The following ROBO2 variants were observed in gnomAD, a reference collection of about 807,000 sequenced individuals.
ROBO2 encodes roundabout guidance receptor 2, also known as roundabout homolog 2.
ROBO2 carries 53 observed loss-of-function variants against 160.8 expected under a neutral mutation model. That is an observed-to-expected ratio of 0.33 (90% CI 0.26 to 0.41). ROBO2 has a LOEUF of 0.41. Ranked by LOEUF, ROBO2 falls within the 10% of genes least tolerant of loss-of-function variation. The probability of loss-of-function intolerance (pLI) is 1.00; values close to 1 mark genes in which losing one functional copy is unlikely to be tolerated. For missense variants in ROBO2, 1,577 were observed against 1,722.4 expected, an observed-to-expected ratio of 0.92 and a Z score of 1.49; for synonymous variants, 664 against 611.7, an observed-to-expected ratio of 1.09 and a Z score of -1.26.
At chr3:77,388,266 G>A (rs185296239) in intron 2 of ROBO2, among the ~76,000 whole-genome samples, 6 of 151,926 alleles carry the variant, frequency 3.9e-5, no homozygotes, top group Admixed American at 2.6e-4. Context: ...AAGATTTTTG[G>A]CACCAGGCAT....
chr3:76,533,851 A>C (rs1429868615), intron 2 of ROBO2, among the ~76,000 whole-genome samples: 1 of 152,078 alleles, frequency 6.6e-6, no homozygotes, highest in African/African-American at 2.4e-5. Context: ...CTGATCAGTT[A>C]GGGTAGGGCA....
intron 2 of ROBO2, among the ~76,000 whole-genome samples, chr3:76,061,462 T>G (rs566560148): frequency 6.6e-6 from 1 of 152,332 alleles, no homozygotes; most frequent in South Asian, 2.1e-4. Context: ...TAACTAAAGG[T>G]GGACACAGAT....
At chr3:76,168,612 G>A (rs574607877) in intron 2 of ROBO2, among the ~76,000 whole-genome samples, 58 of 152,114 alleles carry the variant, frequency 3.8e-4, no homozygotes, top group African/African-American at 1.3e-3. Flanking sequence ...CTCATAAAAT[G>A]GACCTGTATT....
chr3:77,337,320 C>A (rs1457411380), intron 2 of ROBO2, among the ~76,000 whole-genome samples: 2 of 152,056 alleles, frequency 1.3e-5, no homozygotes, highest in Non-Finnish European at 2.9e-5. Flanking sequence ...AAAACCTTTG[C>A]CCTAAGAAAA....
At chr3:77,304,057 C>T (rs1448860426) in intron 2 of ROBO2, among the ~76,000 whole-genome samples, 1 of 152,068 alleles carries the variant, frequency 6.6e-6, no homozygotes, top group Non-Finnish European at 1.5e-5. Context: ...AAAGTTTCAA[C>T]CTATAAATAT....
At chr3:77,531,360 T>A (rs1382273148) in intron 6 of ROBO2, among the ~76,000 whole-genome samples, 1 of 151,504 alleles carries the variant, frequency 6.6e-6, no homozygotes, top group African/African-American at 2.4e-5. Flanking sequence ...AATTATTTTT[T>A]AAAATAAGCA....
At chr3:76,366,907 A>C (rs1286673368) in intron 2 of ROBO2, among the ~76,000 whole-genome samples, 2 of 152,068 alleles carry the variant, frequency 1.3e-5, no homozygotes, top group African/African-American at 4.8e-5. Context: ...CCAAGCAATA[A>C]AAATTATAAC....
intron 2 of ROBO2, among the ~76,000 whole-genome samples, chr3:76,000,742 G>A (rs532812010): frequency 2.8e-4 from 43 of 151,650 alleles, no homozygotes; most frequent in Middle Eastern, 3.4e-3. Context: ...CACCTGCCTC[G>A]GCCTCCCAAA....
intron 2 of ROBO2, among the ~76,000 whole-genome samples, chr3:76,188,832 A>G (rs1701879062): frequency 6.6e-6 from 1 of 152,120 alleles, no homozygotes; most frequent in South Asian, 2.1e-4. Context: ...CCTAGTATAC[A>G]GGCAATCATC....
chr3:76,968,052 T>A (rs941658934), intron 2 of ROBO2, among the ~76,000 whole-genome samples: 2 of 152,138 alleles, frequency 1.3e-5, no homozygotes, highest in Non-Finnish European at 2.9e-5. Flanking sequence ...ATATATATAT[T>A]TTTTGATATT....
chr3:77,328,062 C>CA (rs57829219), intron 2 of ROBO2, among the ~76,000 whole-genome samples: 25,983 of 112,390 alleles, frequency 0.23, 2,982 homozygotes, highest in East Asian at 0.5. Flanking sequence ...GACCGTATCT[C>CA]AAAAAAAAAA....
intron 6 of ROBO2, 114 bp from the exon 8 acceptor site, chr3:77,546,224 A>C: frequency 1.8e-6 from 2 of 1,126,508 alleles, no homozygotes; most frequent in Non-Finnish European, 2.6e-6. Context: ...TAAATAAAAA[A>C]CTGTAGTCTC....
chr3:76,491,952 CA>C (rs2079848330), intron 2 of ROBO2, among the ~76,000 whole-genome samples: 1 of 151,892 alleles, frequency 6.6e-6, no homozygotes, highest in Admixed American at 6.6e-5. Context: ...AACAAACAAA[CA>C]AAAAAATTAG....
At chr3:76,867,524 C>G (rs1311313986) in intron 2 of ROBO2, among the ~76,000 whole-genome samples, 1 of 152,116 alleles carries the variant, frequency 6.6e-6, no homozygotes, top group East Asian at 1.9e-4. Context: ...ATTGCTAAAG[C>G]TCAATTTGGG....
intron 2 of ROBO2, among the ~76,000 whole-genome samples, chr3:76,560,865 G>A (rs991749376): frequency 2.0e-5 from 3 of 148,518 alleles, no homozygotes; most frequent in African/African-American, 7.4e-5. Context: ...TTGACATTAT[G>A]GGGGTATCAT....
chr3:77,255,983 A>G (rs114620849), intron 2 of ROBO2, among the ~76,000 whole-genome samples: 3 of 152,108 alleles, frequency 2.0e-5, no homozygotes, highest in African/African-American at 7.2e-5. Flanking sequence ...TGTGCTTTCA[A>G]CTCTGAGCAT....
chr3:77,598,333 A>T (rs908055561), intron 19 of ROBO2, among the ~76,000 whole-genome samples: 1 of 151,628 alleles, frequency 6.6e-6, no homozygotes, highest in African/African-American at 2.4e-5. Context: ...GCATTCTGTC[A>T]GTACCAACTA....
chr3:76,398,951 C>G (rs138431576), intron 2 of ROBO2, among the ~76,000 whole-genome samples: 1 of 151,682 alleles, frequency 6.6e-6, no homozygotes, highest in Non-Finnish European at 1.5e-5. Context: ...AATCTATTAT[C>G]ATCATAATTG....
chr3:77,478,948 A>G (rs2084360749), intron 3 of ROBO2, among the ~76,000 whole-genome samples: 1 of 152,158 alleles, frequency 6.6e-6, no homozygotes, highest in South Asian at 2.1e-4. Context: ...AGTTTAATGG[A>G]AGGAAGAGCA....
Sources: allele counts gnomAD v4.1 joint callset (sites outside exome capture counted in the v4.1 genomes callset), GRCh38; gene constraint gnomAD v4.1.1; transcripts MANE v1.5; gene names NCBI Gene and HGNC (gene_info 2026-07-23, HGNC 2026-07-21).